The following GPC5 variants were observed in gnomAD, a reference collection of about 807,000 sequenced individuals.
GPC5 encodes glypican 5, also known as glypican-5.
Under a neutral mutation model 53.9 loss-of-function variants are expected in GPC5, and 47 were observed. The ratio of observed to expected loss-of-function variants is 0.87; its 90% confidence interval spans 0.69 to 1.11. The LOEUF (loss-of-function observed/expected upper bound fraction) is 1.11, where lower values mean the gene tolerates loss of function less well. Among genes scored for constraint, GPC5 ranks in the 50% most tolerant of loss-of-function variants. The probability of loss-of-function intolerance (pLI) is 0.00; values close to 1 mark genes in which losing one functional copy is unlikely to be tolerated. For missense variants in GPC5, 748 were observed against 713.1 expected (o/e 1.05, Z -0.56); for synonymous variants, 286 against 263.3 (o/e 1.09, Z -0.84).
chr13:92,414,342 T>C (rs1876184728), intron 7 of GPC5, among the ~76,000 whole-genome samples: 1 of 151,678 alleles, frequency 6.6e-6, no homozygotes, highest in Non-Finnish European at 1.5e-5. Context: ...CCATCTCTAC[T>C]AAAAATAAAA....
intron 7 of GPC5, among the ~76,000 whole-genome samples, chr13:92,336,693 T>C (rs2043325950): frequency 6.6e-6 from 1 of 152,168 alleles, no homozygotes; most frequent in South Asian, 2.1e-4. Flanking sequence ...TGGTATATAG[T>C]GATGAAAACA....
intron 5 of GPC5, among the ~76,000 whole-genome samples, chr13:91,806,457 C>T (rs1275499692): frequency 2.0e-5 from 3 of 149,452 alleles, no homozygotes; most frequent in Admixed American, 6.7e-5. Context: ...TTTACTTTAA[C>T]GCAATAAAAA....
chr13:92,791,016 C>G (rs58675009), intron 7 of GPC5, among the ~76,000 whole-genome samples: 7,516 of 152,034 alleles, frequency 0.049, 572 homozygotes, highest in East Asian at 0.33. Flanking sequence ...ATTTAAGATA[C>G]AAGAGTGGCT....
intron 7 of GPC5, among the ~76,000 whole-genome samples, chr13:92,242,821 T>C (rs2042623390): frequency 6.6e-6 from 1 of 152,152 alleles, no homozygotes; most frequent in African/African-American, 2.4e-5. Flanking sequence ...TTACGGTCTT[T>C]ATATGATGAC....
chr13:92,513,291 A>G (rs946185494), intron 7 of GPC5, among the ~76,000 whole-genome samples: 4 of 152,184 alleles, frequency 2.6e-5, no homozygotes, highest in Non-Finnish European at 5.9e-5. Context: ...TCTATTAAAC[A>G]TAGGAGAACA....
intron 7 of GPC5, among the ~76,000 whole-genome samples, chr13:92,208,730 CA>C (rs1483333077): frequency 6.6e-6 from 1 of 152,096 alleles, no homozygotes; most frequent in Non-Finnish European, 1.5e-5. Context: ...TATTTATTTG[CA>C]AAAATTTACA....
intron 6 of GPC5, among the ~76,000 whole-genome samples, chr13:92,098,036 G>A (rs1221666394): frequency 6.6e-6 from 1 of 152,186 alleles, no homozygotes. Context: ...TAGGTTCAGG[G>A]ATACATGTGC....
At chr13:91,774,296 G>C (rs1187762543) in intron 5 of GPC5, among the ~76,000 whole-genome samples, 1 of 152,172 alleles carries the variant, frequency 6.6e-6, no homozygotes, top group Non-Finnish European at 1.5e-5. Context: ...TTGACATCTT[G>C]AAGAGTGTAA....
intron 5 of GPC5, among the ~76,000 whole-genome samples, chr13:91,785,022 C>T (rs182946057): frequency 7.2e-4 from 110 of 152,250 alleles, no homozygotes; most frequent in African/African-American, 2.3e-3. Context: ...TATTTTTCCC[C>T]GTTGTTTGGT....
At chr13:92,326,728 T>C (rs1161056967) in intron 7 of GPC5, among the ~76,000 whole-genome samples, 4 of 152,162 alleles carry the variant, frequency 2.6e-5, no homozygotes, top group Admixed American at 1.3e-4. Context: ...CTTGGTTAAG[T>C]CAAGTAAAGG....
At chr13:91,874,045 T>C (rs1006541936) in intron 5 of GPC5, among the ~76,000 whole-genome samples, 2 of 152,172 alleles carry the variant, frequency 1.3e-5, no homozygotes, top group Non-Finnish European at 2.9e-5. Context: ...AATCCATATC[T>C]CCATGTTCTT....
intron 2 of GPC5, among the ~76,000 whole-genome samples, chr13:91,629,788 C>A (rs2034108970): frequency 6.6e-6 from 1 of 152,024 alleles, no homozygotes; most frequent in South Asian, 2.1e-4. Context: ...TTGAATCATT[C>A]TTTTTGCTAC....
intron 7 of GPC5, among the ~76,000 whole-genome samples, chr13:92,836,888 A>G (rs2138827877): frequency 6.6e-6 from 1 of 152,214 alleles, no homozygotes. Context: ...TCTAGCAAGT[A>G]AATAATGGTT....
At chr13:92,390,464 T>G (rs1874943726) in intron 7 of GPC5, among the ~76,000 whole-genome samples, 1 of 152,152 alleles carries the variant, frequency 6.6e-6, no homozygotes, top group South Asian at 2.1e-4. Flanking sequence ...ATGGAGACAT[T>G]TGTGTGTTCC....
chr13:92,612,813 T>C (rs1031900398), intron 7 of GPC5, among the ~76,000 whole-genome samples: 3 of 152,152 alleles, frequency 2.0e-5, no homozygotes, highest in Non-Finnish European at 4.4e-5. Flanking sequence ...AAATAAGATA[T>C]TTGTAAAGTT....
chr13:91,641,136 G>A (rs1298942401), intron 2 of GPC5, among the ~76,000 whole-genome samples: 1 of 152,088 alleles, frequency 6.6e-6, no homozygotes, highest in Non-Finnish European at 1.5e-5. Flanking sequence ...GACCATCCTG[G>A]CTAACACGGT....
chr13:92,814,246 C>T (rs564587016), intron 7 of GPC5, among the ~76,000 whole-genome samples: 1 of 151,986 alleles, frequency 6.6e-6, no homozygotes, highest in South Asian at 2.1e-4. Context: ...ATTTAAAACC[C>T]AAAACTACAA....
chr13:91,844,975 G>T (rs556818508), intron 5 of GPC5, among the ~76,000 whole-genome samples: 1 of 152,086 alleles, frequency 6.6e-6, no homozygotes, highest in African/African-American at 2.4e-5. Flanking sequence ...TTTTAATATT[G>T]AAGAGTTGTA....
At chr13:92,396,237 C>T (rs1875263428) in intron 7 of GPC5, among the ~76,000 whole-genome samples, 1 of 152,048 alleles carries the variant, frequency 6.6e-6, no homozygotes, top group Non-Finnish European at 1.5e-5. Context: ...CTGATTCTTT[C>T]CTCATTTACA....
Sources: allele counts gnomAD v4.1 joint callset (sites outside exome capture counted in the v4.1 genomes callset), GRCh38; gene constraint gnomAD v4.1.1; transcripts MANE v1.5; gene names NCBI Gene and HGNC (gene_info 2026-07-23, HGNC 2026-07-21).